The following KCNB2 variants were observed in gnomAD, a reference collection of about 807,000 sequenced individuals.
KCNB2 encodes delayed rectifier potassium channel protein.
KCNB2 carries 15 observed loss-of-function variants against 61.5 expected under a neutral mutation model. The ratio of observed to expected loss-of-function variants is 0.24; its 90% CI spans 0.16 to 0.38. The LOEUF (loss-of-function observed/expected upper bound fraction) is 0.38, where lower values mean the gene tolerates loss of function less well. Ranked by LOEUF, KCNB2 falls within the 10% of genes least tolerant of loss-of-function variation. The probability of loss-of-function intolerance (pLI) is 1.00; values close to 1 mark genes in which losing one functional copy is unlikely to be tolerated. For synonymous variants in KCNB2, 457 were observed against 446.0 expected (o/e 1.02, Z -0.31); for missense variants, 828 against 1,125.2 (o/e 0.74, Z 3.78).
chr8:72,852,963 C>T (rs1421416910), intron 2 of KCNB2, among the ~76,000 whole-genome samples: 1 of 152,116 alleles, frequency 6.6e-6, no homozygotes. Flanking sequence ...AATTCTACCC[C>T]TTCATGTGGC....
At chr8:72,589,695 A>G (rs1308011778) in intron 2 of KCNB2, among the ~76,000 whole-genome samples, 1 of 151,142 alleles carries the variant, frequency 6.6e-6, no homozygotes, top group Non-Finnish European at 1.5e-5. Flanking sequence ...GGAATACAAC[A>G]AAAGTGTAAA....
chr8:72,546,916 T>C (rs1349537448), intron 1 of KCNB2, among the ~76,000 whole-genome samples: 1 of 152,252 alleles, frequency 6.6e-6, no homozygotes, highest in Admixed American at 6.5e-5. Context: ...ATTTAGGCCT[T>C]TCCATAGCTA....
At chr8:72,924,361 A>AT (rs61487070) in intron 2 of KCNB2, among the ~76,000 whole-genome samples, 4 of 151,704 alleles carry the variant, frequency 2.6e-5, no homozygotes, top group Admixed American at 1.3e-4. Flanking sequence ...TCCAATTCTG[A>AT]TTTTTTTTTT....
chr8:72,563,778 A>G (rs1392627204), intron 1 of KCNB2, among the ~76,000 whole-genome samples: 3 of 152,178 alleles, frequency 2.0e-5, no homozygotes, highest in Non-Finnish European at 4.4e-5. Flanking sequence ...GCTTATTCTG[A>G]AGGCTTGATT....
At chr8:72,659,799 G>C (rs1183463905) in intron 2 of KCNB2, among the ~76,000 whole-genome samples, 1 of 152,204 alleles carries the variant, frequency 6.6e-6, no homozygotes, top group Non-Finnish European at 1.5e-5. Flanking sequence ...TCATAATAAA[G>C]TATTTTAAAT....
chr8:72,873,551 CAAT>C (rs1220022725), intron 2 of KCNB2, among the ~76,000 whole-genome samples: 11 of 152,334 alleles, frequency 7.2e-5, no homozygotes, highest in African/African-American at 2.6e-4. Context: ...AGTAGCTTCT[CAAT>C]GAATGTCATT....
At chr8:72,602,244 T>A (rs1805364564) in intron 2 of KCNB2, among the ~76,000 whole-genome samples, 2 of 152,180 alleles carry the variant, frequency 1.3e-5, no homozygotes. Flanking sequence ...TCAGAATCAG[T>A]CACTGAGTGG....
chr8:72,916,383 G>A (rs929170427), intron 2 of KCNB2, among the ~76,000 whole-genome samples: 3 of 152,110 alleles, frequency 2.0e-5, no homozygotes, highest in East Asian at 1.9e-4. Context: ...GCTTGGTCCC[G>A]CTGTGTTCCA....
At chr8:72,630,033 C>A (rs1805855728) in intron 2 of KCNB2, among the ~76,000 whole-genome samples, 1 of 152,162 alleles carries the variant, frequency 6.6e-6, no homozygotes, top group Non-Finnish European at 1.5e-5. Flanking sequence ...GTTAAGCACA[C>A]AATTGTGTAG....
intron 2 of KCNB2, among the ~76,000 whole-genome samples, chr8:72,893,914 A>G (rs1174902515): frequency 6.6e-6 from 1 of 152,160 alleles, no homozygotes; most frequent in African/African-American, 2.4e-5. Context: ...GTGTAAATCC[A>G]GTTGTCCATT....
rs73686080 is a variant in KCNB2, at chr8:72,580,900, G to A, written c.579+12587G>A. Among the ~76,000 whole-genome samples the A allele has an allele frequency of 2.4e-3, 362 of 152,148 alleles. 1 individual carries two copies. The highest frequency in any genetic ancestry group is 8.3e-3 in the African/African-American group (345 of 41,506). On this transcript the variant is annotated intron_variant, in intron 2 of 2. Coordinates refer to ENST00000523207, the MANE Select transcript of KCNB2 (RefSeq NM_004770.3). Reference sequence around the variant, plus strand: ...AACAGAATTAAAATATGTCTTTCTTGTGGGCCTCTCCTGAATTAAAAACTG... The same window carrying A: ...AACAGAATTAAAATATGTCTTTCTTATGGGCCTCTCCTGAATTAAAAACTG...
At chr8:72,913,477 G>A (rs1051844678) in intron 2 of KCNB2, among the ~76,000 whole-genome samples, 7 of 152,120 alleles carry the variant, frequency 4.6e-5, no homozygotes, top group African/African-American at 1.7e-4. Context: ...AAATACCAAG[G>A]TACTTTTGAG....
At chr8:72,766,234 G>A (rs1205566780) in intron 2 of KCNB2, among the ~76,000 whole-genome samples, 1 of 152,154 alleles carries the variant, frequency 6.6e-6, no homozygotes, top group African/African-American at 2.4e-5. Context: ...TACAGAGATG[G>A]TGATATAATT....
chr8:72,812,783 G>A (rs935114644), intron 2 of KCNB2, among the ~76,000 whole-genome samples: 2 of 152,012 alleles, frequency 1.3e-5, no homozygotes, highest in African/African-American at 4.8e-5. Flanking sequence ...CTAGATCTTG[G>A]TAGCTACTAT....
At chr8:72,594,013 T>C (rs1807145015) in intron 2 of KCNB2, among the ~76,000 whole-genome samples, 1 of 152,156 alleles carries the variant, frequency 6.6e-6, no homozygotes, top group Non-Finnish European at 1.5e-5. Context: ...AGTAATTAAT[T>C]GAGCAGATAT....
intron 2 of KCNB2, among the ~76,000 whole-genome samples, chr8:72,846,764 G>T (rs534199547): frequency 1.1e-4 from 17 of 152,216 alleles, no homozygotes; most frequent in African/African-American, 3.6e-4. Context: ...AACAACAGGT[G>T]CTGGAGAGGA....
At chr8:72,899,001 G>A (rs905138620) in intron 2 of KCNB2, among the ~76,000 whole-genome samples, 6 of 152,022 alleles carry the variant, frequency 3.9e-5, no homozygotes, top group African/African-American at 9.7e-5. Flanking sequence ...ATAGTATTCT[G>A]TGGTGTATAT....
intron 2 of KCNB2, among the ~76,000 whole-genome samples, chr8:72,744,718 G>C (rs1482342000): frequency 6.6e-6 from 1 of 152,096 alleles, no homozygotes; most frequent in Non-Finnish European, 1.5e-5. Flanking sequence ...ATTGCTTAGG[G>C]CCGAGCATCC....
At chr8:72,910,390 C>A (rs1160618408) in intron 2 of KCNB2, among the ~76,000 whole-genome samples, 2 of 151,738 alleles carry the variant, frequency 1.3e-5, no homozygotes, top group Admixed American at 6.6e-5. Context: ...TGAGAACCAC[C>A]AATGCATAGA....
Sources: gnomAD v4.1 joint callset for allele counts (sites outside exome capture counted in the v4.1 genomes callset) on GRCh38, gnomAD v4.1.1 for gene constraint, MANE v1.5 for transcripts, NCBI Gene and HGNC (gene_info 2026-07-23, HGNC 2026-07-21) for gene names.